The following PGAP1 variants were observed in gnomAD, a reference collection of about 807,000 sequenced individuals.
PGAP1 encodes the protein post-GPI attachment to proteins inositol deacylase 1, also known as GPI inositol-deacylase.
Under a neutral mutation model 127.0 loss-of-function variants are expected in PGAP1, and 76 were observed. That is an observed-to-expected ratio of 0.60 (90% CI 0.50 to 0.72). The LOEUF (loss-of-function observed/expected upper bound fraction) is 0.72, where lower values mean the gene tolerates loss of function less well. PGAP1 is among the 30% of genes least tolerant of loss of function. PGAP1 has a pLI of 0.00. For synonymous variants in PGAP1, 362 were observed against 366.5 expected (o/e 0.99, Z 0.14); for missense variants, 982 against 1,071.3 (o/e 0.92, Z 1.16).
In PGAP1 at chr2:196,848,555, A is replaced by ACATGGAACCATATTATG. The variant is rs1700625385; in HGVS notation, c.1862-519_1862-518insCATAATATGGTTCCATG. Among the ~76,000 whole-genome samples the ACATGGAACCATATTATG allele has an allele frequency of 3.3e-5, 5 of 152,296 alleles. No homozygotes were observed. In the East Asian group the frequency reaches 9.6e-4, roughly 29 times the overall value. ...GAACACTTCACATACATGGAATCAT[A>ACATGGAACCATATTATG]ATATGTGGTCTTTTGTGATGGTCTC... On this transcript the variant is annotated intron_variant, in intron 20 of 26. Coordinates refer to ENST00000354764, the MANE Select transcript of PGAP1 (RefSeq NM_024989.4).
intron 9 of PGAP1, 43 bp from the exon 10 acceptor site, chr2:196,890,954 G>T (rs1702080005): frequency 2.0e-6 from 2 of 981,490 alleles, no homozygotes; most frequent in East Asian, 4.8e-5. Flanking sequence ...GTAATGAGCA[G>T]ATTAGTTTCA....
chr2:196,895,547 G>C lies in PGAP1; in HGVS notation c.927+1584C>G, dbSNP rs1311981648. 4.6e-5 allele frequency among the ~76,000 whole-genome samples: 7 copies of C among 152,316 alleles called. No homozygotes were observed. In the East Asian group the frequency reaches 1.3e-3, roughly 29 times the overall value. ...GTTTGTGTTGCATGACCAAGTCACA[G>C]TGTCAACTTGGTGAAGCTTGTTTAA... On this transcript the variant is annotated intron_variant, in intron 7 of 26. Coordinates refer to ENST00000354764, the MANE Select transcript of PGAP1 (RefSeq NM_024989.4).
At chr2:196,845,352 ATT>A (rs60546102) in intron 23 of PGAP1, among the ~76,000 whole-genome samples, 2 of 144,858 alleles carry the variant, frequency 1.4e-5, no homozygotes, top group African/African-American at 2.5e-5. Flanking sequence ...TACCTCCTGG[ATT>A]TTTTTTTTTT....
chr2:196,916,365 T>C, intron 3 of PGAP1, 53 bp downstream of exon 3: 1 of 1,432,288 alleles, frequency 7.0e-7, no homozygotes, highest in Non-Finnish European at 9.3e-7. Context: ...ATCCCTTTTT[T>C]AAAAAGGTGC....
intron 20 of PGAP1, among the ~76,000 whole-genome samples, chr2:196,850,165 T>C (rs948557406): frequency 5.3e-5 from 8 of 152,214 alleles, no homozygotes; most frequent in African/African-American, 1.9e-4. Flanking sequence ...CCCTCTAGGT[T>C]TGTTCCTTCT....
At position 196,875,021 on chromosome 2, in the gene PGAP1, C is replaced by T. The variant is rs538474763; in HGVS notation, c.1426+725G>A. On this transcript the variant is annotated intron_variant, in intron 14 of 26. Transcript: ENST00000354764. ...ACAGAGTGAGACCCTGTTCCCCACT[C>T]GCCCCACAAAAATGAAACAGACAAC... Among the ~76,000 whole-genome samples, 255 of 152,196 alleles carry T rather than the reference C, an allele frequency of 1.7e-3. 1 individual carries two copies. The highest frequency in any genetic ancestry group is 5.5e-3 in the African/African-American group (228 of 41,530).
At chr2:196,920,300 T>C (rs1703146425) in intron 1 of PGAP1, 150 bp from the exon 2 acceptor site, 1 of 654,108 alleles carries the variant, frequency 1.5e-6, no homozygotes, top group Non-Finnish European at 2.5e-6. Context: ...CAAAACAAGT[T>C]CTACTTGTAG....
chr2:196,893,337 A>T, intron 7 of PGAP1, 92 bp from the exon 8 acceptor site: 1 of 653,936 alleles, frequency 1.5e-6, no homozygotes, highest in South Asian at 2.0e-5. Context: ...AACAGCCAAC[A>T]TTTATTACTC....
rs574921262 is a variant in PGAP1, at chr2:196,889,102, T to A, written c.1173+1726A>T. ...TTAATTAATACCCATGAACATTAAA[T>A]ACAGAAAAAAGATCCTCCCATCAGC... is the stretch of plus-strand genomic sequence containing the variant. On this transcript the variant is annotated intron_variant, in intron 10 of 26. Coordinates refer to ENST00000354764, the MANE Select transcript of PGAP1 (RefSeq NM_024989.4). 9.2e-5 allele frequency among the ~76,000 whole-genome samples: 14 copies of A among 152,290 alleles called. No individual in the cohort carries two copies. In the South Asian group the frequency reaches 2.3e-3, roughly 25 times the overall value.
intron 10 of PGAP1, among the ~76,000 whole-genome samples, chr2:196,887,072 G>A (rs1386456709): frequency 6.6e-6 from 1 of 152,214 alleles, no homozygotes; most frequent in African/African-American, 2.4e-5. Context: ...AAATGCTGCA[G>A]AGATGATTGT....
intron 10 of PGAP1, among the ~76,000 whole-genome samples, chr2:196,889,595 G>A (rs1032684570): frequency 3.3e-5 from 5 of 151,686 alleles, no homozygotes; most frequent in Admixed American, 3.3e-4. Context: ...GGTGGCTCAC[G>A]CCTGTAATCC....
At chr2:196,855,572 T>C (rs1700855562) in intron 20 of PGAP1, among the ~76,000 whole-genome samples, 1 of 152,180 alleles carries the variant, frequency 6.6e-6, no homozygotes, top group Non-Finnish European at 1.5e-5. Flanking sequence ...ATAGTGTTTT[T>C]ATGACTTCTA....
chr2:196,849,440 A>ATT lies in PGAP1; in HGVS notation c.1862-1405_1862-1404dup, dbSNP rs1170104400. On this transcript the variant is annotated intron_variant, in intron 20 of 26. Transcript: ENST00000354764. The stretch of plus-strand genomic sequence containing the variant: ...CACCACGCCTGGCTAATTTTTTTGT[A>ATT]TTTTTTTTTTTTTTTAGTAGAGACG... 9.9e-4 allele frequency among the ~76,000 whole-genome samples: 127 copies of ATT among 128,164 alleles called. 1 individual carries two copies. Among genetic ancestry groups the ATT allele is most frequent in the South Asian group, 6.2e-3 (25 of 4,004 alleles). 84.1% of individuals were successfully genotyped at this position (128,164 alleles called of 152,430 possible).
At chr2:196,889,624 A>G (rs955201689) in intron 10 of PGAP1, among the ~76,000 whole-genome samples, 72 of 151,942 alleles carry the variant, frequency 4.7e-4, no homozygotes, top group Admixed American at 7.9e-4. Flanking sequence ...TGGGAGGCCG[A>G]GGCGGGCGGA....
intron 20 of PGAP1, among the ~76,000 whole-genome samples, chr2:196,859,378 C>G (rs1700989044): frequency 6.6e-6 from 1 of 151,998 alleles, no homozygotes; most frequent in Non-Finnish European, 1.5e-5. Flanking sequence ...AATAAAAAGT[C>G]TCCCATCAAA....
intron 10 of PGAP1, among the ~76,000 whole-genome samples, chr2:196,889,025 A>T (rs928049627): frequency 1.3e-5 from 2 of 152,176 alleles, no homozygotes; most frequent in African/African-American, 4.8e-5. Context: ...AAGCTTGAAA[A>T]TTTCTATAAT....
rs1486739906 is a variant in PGAP1 at position 196,834,891 on chromosome 2, A to G, written c.*6343T>C. On this transcript the variant is annotated 3_prime_UTR_variant, in exon 27 of 27. Coordinates refer to ENST00000354764, the MANE Select transcript of PGAP1 (RefSeq NM_024989.4). ...CACTATCTTTTTACTAATAACACCT[A>G]TGGTCCCCATTAGAATAAACTGTCA... 6.6e-6 allele frequency: 1 copy of G among 151,996 alleles called. No individual in the cohort carries two copies. The highest frequency in any genetic ancestry group is 2.4e-5 in the African/African-American group (1 of 41,456). The allele number at this position is 151,996 out of a possible 1,614,324, so 9.4% of individuals were successfully genotyped here.
At chr2:196,868,912 C>A (rs1232533797) in intron 19 of PGAP1, among the ~76,000 whole-genome samples, 1 of 152,118 alleles carries the variant, frequency 6.6e-6, no homozygotes, top group Non-Finnish European at 1.5e-5. Context: ...CATTTTTAAA[C>A]AAGCATGAAG....
intron 5 of PGAP1, among the ~76,000 whole-genome samples, chr2:196,900,936 GA>G (rs545935534): frequency 7.1e-6 from 1 of 141,726 alleles, no homozygotes; most frequent in Non-Finnish European, 1.6e-5. Context: ...CAAAAAAAAA[GA>G]AAAAAAAAGA....
Sources: allele counts gnomAD v4.1 joint callset (sites outside exome capture counted in the v4.1 genomes callset), GRCh38; gene constraint gnomAD v4.1.1; transcripts MANE v1.5; gene names NCBI Gene and HGNC (gene_info 2026-07-23, HGNC 2026-07-21).